Variants in TOR2A observed in about 807,000 individuals in gnomAD.
TOR2A encodes the protein torsin family 2 member A, also known as prosalusin.
TOR2A carries 24 observed loss-of-function variants against 28.6 expected under a neutral mutation model. That is an observed-to-expected ratio of 0.84 (90% CI 0.61 to 1.18). The LOEUF (loss-of-function observed/expected upper bound fraction) is 1.18, where lower values mean the gene tolerates loss of function less well. Ranked by LOEUF, TOR2A falls within the 50% of genes most tolerant of loss-of-function variation. The pLI is 0.00. For missense variants in TOR2A, 426 were observed against 448.1 expected (o/e 0.95, Z 0.45); for synonymous variants, 203 against 203.1 (o/e 1.00, Z 0.00).
Position 127,734,422 on chromosome 9 carries a change from G to C in TOR2A, c.294C>G (p.Gly98=). 6.2e-7 allele frequency: 1 copy of C among 1,612,582 alleles called. No homozygotes were observed. The highest frequency in any genetic ancestry group is 8.5e-7 in the Non-Finnish European group (1 of 1,179,794). ...VLSLHGWTGT[G]KSYVSSLLAH... The stretch of plus-strand genomic sequence containing the variant: ...CCAGCAGGGAGCTGACATAGGATTT[G>C]CCGGTGCCGGTCCAGCCGTGCAGGG... The change falls in exon 2 of 5, where the codon GGC becomes GGG. Residue 98 remains glycine (G), a synonymous_variant. Transcript: ENST00000373284.
chr9:127,732,191 T>A lies in TOR2A; in HGVS notation c.809A>T (p.His270Leu). ...CTGGGCCAGCTCGTTGAGCACGCAG[T>A]GCCGGACGTGGTGCCGCTGGAGCGG... Reference protein sequence around the residue: ...FLPLQRHHVRHCVLNELAQLG... With the variant: ...FLPLQRHHVRLCVLNELAQLG... Residue 270 changes from histidine to leucine, a missense_variant, in exon 5 of 5, where the codon CAC becomes CTC. By Grantham distance (99) the His-to-Leu change is moderately conservative. Coordinates refer to ENST00000373284, the MANE Select transcript of TOR2A (RefSeq NM_001085347.3). 1 of 1,612,886 alleles carries A rather than the reference T, an allele frequency of 6.2e-7. No homozygotes were observed. The highest frequency in any genetic ancestry group is 8.5e-7 in the Non-Finnish European group (1 of 1,179,660).
rs951685420 is a variant in TOR2A at position 127,731,932 on chromosome 9, C to G, written c.*102G>C. ...CATCTGTCCCGTGGCCTAGCCGACACTCCGTTCATCTCACTTGGTGCTCTG... is the reference window on the plus strand; with the variant it reads ...CATCTGTCCCGTGGCCTAGCCGACAGTCCGTTCATCTCACTTGGTGCTCTG... On this transcript the variant is annotated 3_prime_UTR_variant, in exon 5 of 5. Coordinates refer to ENST00000373284, the MANE Select transcript of TOR2A (RefSeq NM_001085347.3). 19 of 1,516,614 alleles carry G rather than the reference C, an allele frequency of 1.3e-5. No homozygotes were observed. Among genetic ancestry groups the G allele is most frequent in the Non-Finnish European group, 1.7e-5 (19 of 1,133,918 alleles). The allele number at this position is 1,516,614 out of a possible 1,614,324, so 93.9% of individuals were successfully genotyped here.
rs754433674 is a variant in TOR2A, at chr9:127,734,524, A to ATGCTGGCCGGCCAGG, written c.177_191dup (p.Gly62_Ala66dup). ...CCTTCACCACCAGCGCCTTGGCCAG[A>ATGCTGGCCGGCCAGG]TGCTGGCCGGCCAGGTGCTGAGCCA... is the stretch of plus-strand genomic sequence containing the variant. On this transcript the variant is annotated inframe_insertion, in exon 2 of 5. Transcript: ENST00000373284. 1.3e-6 allele frequency: 2 copies of ATGCTGGCCGGCCAGG among 1,538,868 alleles called. No individual in the cohort carries two copies. Among genetic ancestry groups the ATGCTGGCCGGCCAGG allele is most frequent in the African/African-American group, 2.8e-5 (2 of 72,434 alleles).
intron 3 of TOR2A, chr9:127,733,058 C>A: frequency 3.5e-6 from 5 of 1,434,818 alleles, no homozygotes; most frequent in Non-Finnish European, 4.6e-6. Flanking sequence ...ATTCTGAGAG[C>A]TGGGACTAAA....
At chr9:127,732,787 A>G in intron 3 of TOR2A, 96 bp from the exon 4 acceptor site, 3 of 1,496,398 alleles carry the variant, frequency 2.0e-6, no homozygotes, top group Non-Finnish European at 2.7e-6. Context: ...ACATAGGAAC[A>G]TGGCTCAGTG....
At position 127,733,577 on chromosome 9, in the gene TOR2A, G is replaced by T. The variant is rs1368331539; in HGVS notation, c.418-17C>A. ...CAGATCCTTCTGTAGGGGAGAGACA[G>T]GAGTTCCAGGGGAGCTGGAGAAACT... On this transcript the variant is annotated splice_polypyrimidine_tract_variant and intron_variant, in intron 2 of 4. Coordinates refer to ENST00000373284, the MANE Select transcript of TOR2A (RefSeq NM_001085347.3). 6.3e-7 allele frequency: 1 copy of T among 1,589,356 alleles called. No individual in the cohort carries two copies. The highest frequency in any genetic ancestry group is 1.1e-5 in the South Asian group (1 of 88,640).
At chr9:127,732,772 A>C in intron 3 of TOR2A, 81 bp from the exon 4 acceptor site, 1 of 1,508,638 alleles carries the variant, frequency 6.6e-7, no homozygotes, top group Non-Finnish European at 8.9e-7. Flanking sequence ...CCCCGCTGCC[A>C]CCTGACATAG....
At chr9:127,734,863 C>T in intron 1 of TOR2A, 4 of 554,022 alleles carry the variant, frequency 7.2e-6, no homozygotes, top group Non-Finnish European at 1.2e-5. Flanking sequence ...TCTCCTTTGA[C>T]GGCCAGGCCA....
rs41316956 is a variant in TOR2A at position 127,732,980 on chromosome 9, C to T, written c.594-289G>A. On this transcript the variant is annotated intron_variant, in intron 3 of 4. Coordinates refer to ENST00000373284, the MANE Select transcript of TOR2A (RefSeq NM_001085347.3). ...GGCATCGGGGCATCATTATTGGCCC[C>T]GCTGTTCAGAAGCAGAGACAGAGGC... 26,058 of 1,380,176 alleles carry T rather than the reference C, an allele frequency of 0.019. 298 individuals carry two copies. The highest frequency in any genetic ancestry group is 0.029 in the Middle Eastern group (108 of 3,758). The allele number at this position is 1,380,176 out of a possible 1,614,324, so 85.5% of individuals were successfully genotyped here.
Position 127,731,732 on chromosome 9 carries a change from A to G in TOR2A, c.*302T>C. ...AAGGGGCAAGGGTGGCAGACTGAGG[A>G]GGGAGCACCGCCACGAGCCACAGTC... On this transcript the variant is annotated 3_prime_UTR_variant, in exon 5 of 5. Coordinates refer to ENST00000373284, the MANE Select transcript of TOR2A (RefSeq NM_001085347.3). 2.1e-5 allele frequency: 14 copies of G among 654,894 alleles called. No individual in the cohort carries two copies. In the South Asian group the frequency reaches 3.4e-4, roughly 16 times the overall value. 40.6% of individuals were successfully genotyped at this position (654,894 alleles called of 1,614,324 possible). A position where few individuals can be genotyped will look rare whatever the true frequency, so the allele number is the denominator to read the frequency against.
At chr9:127,733,350 C>A in intron 3 of TOR2A, 35 bp downstream of exon 3, 1 of 1,613,568 alleles carries the variant, frequency 6.2e-7, no homozygotes, top group East Asian at 2.2e-5. Context: ...GAGAAGTGGC[C>A]CCCCCACTGT....
chr9:127,733,403 G>A lies in TOR2A; in HGVS notation c.575C>T (p.Ala192Val). ...GCCCCACCTGATGAAGATGAAGATG[G>A]CTTTGCGGTAATTGGTCCCGTATAC... The part of the protein sequence containing the change: ...WVVYGTNYRK[A>V]IFIFISNTGG... The change falls in exon 3 of 5, where the codon GCC becomes GTC. Residue 192 changes from alanine to valine, a missense_variant. By Grantham distance (64) the Ala-to-Val change is moderately conservative. Coordinates refer to ENST00000373284, the MANE Select transcript of TOR2A (RefSeq NM_001085347.3). 6.2e-7 allele frequency: 1 copy of A among 1,613,864 alleles called. No homozygotes were observed. Among genetic ancestry groups the A allele is most frequent in the Admixed American group, 1.7e-5 (1 of 60,010 alleles).
rs768577591 is a variant in TOR2A at position 127,732,568 on chromosome 9, C to T, written c.717G>A (p.Pro239=). Residue 239 remains proline (P), a synonymous_variant, in exon 4 of 5, where the codon CCG becomes CCA. Coordinates refer to ENST00000373284, the MANE Select transcript of TOR2A (RefSeq NM_001085347.3). ...GGGCTGCTGAGCCAGACTCACGGTG[C>T]GGGTTGTCCAGCACCGCGCGGGAGA... ...PVISRAVLDN[P]HHGFSNSGIM... is the part of the protein sequence containing the mutation. 12 of 1,584,784 alleles carry T rather than the reference C, an allele frequency of 7.6e-6. No individual in the cohort carries two copies. Among genetic ancestry groups the T allele is most frequent in the East Asian group, 2.3e-5 (1 of 44,108 alleles).
rs1219557335 is a variant in TOR2A, at chr9:127,734,544, G to C, written c.172C>G (p.Gln58Glu). The change falls in exon 2 of 5, where the codon CAG becomes GAG. Residue 58 changes from glutamine to glutamate, a missense_variant. Physicochemically the swap from Gln to Glu is conservative, Grantham distance 29 (BLOSUM62 2). Coordinates refer to ENST00000373284, the MANE Select transcript of TOR2A (RefSeq NM_001085347.3). ...GCCAGATGCTGGCCGGCCAGGTGCT[G>C]AGCCAGGTCACACTCCAGACCTAGG... ...DLPGLECDLAQHLAGQHLAKA... is the reference protein window; with the variant it reads ...DLPGLECDLAEHLAGQHLAKA... 2 of 1,528,354 alleles carry C rather than the reference G, an allele frequency of 1.3e-6. No individual in the cohort carries two copies. The highest frequency in any genetic ancestry group is 1.8e-6 in the Non-Finnish European group (2 of 1,137,856). The allele number at this position is 1,528,354 out of a possible 1,614,324, so 94.7% of individuals were successfully genotyped here.
Position 127,734,537 on chromosome 9 carries a change from A to G in TOR2A, c.179T>C (p.Leu60Pro), listed in dbSNP as rs1588478874. 6.5e-7 allele frequency: 1 copy of G among 1,532,254 alleles called. No homozygotes were observed. Among genetic ancestry groups the G allele is most frequent in the East Asian group, 2.3e-5 (1 of 43,058 alleles). 94.9% of individuals were successfully genotyped at this position (1,532,254 alleles called of 1,614,324 possible). A position where few individuals can be genotyped will look rare whatever the true frequency, so the allele number is the denominator to read the frequency against. ...CGCCTTGGCCAGATGCTGGCCGGCC[A>G]GGTGCTGAGCCAGGTCACACTCCAG... ...PGLECDLAQH[L>P]AGQHLAKALV... The change falls in exon 2 of 5, where the codon CTG (leucine) becomes CCG (proline). Residue 60 changes from leucine (L) to proline (P), a missense_variant. Coordinates refer to ENST00000373284, the MANE Select transcript of TOR2A (RefSeq NM_001085347.3).
At chr9:127,734,004 T>C (rs1426740564) in intron 2 of TOR2A, 3 of 431,658 alleles carry the variant, frequency 6.9e-6, no homozygotes, top group African/African-American at 4.1e-5. Flanking sequence ...CAGTGCAGAT[T>C]ATCTGACAAA....
At position 127,731,534 on chromosome 9, in the gene TOR2A, C is replaced by T; in HGVS notation, c.*500G>A. ...TCTTAGCAACAGTCCTCTGGTCCCA[C>T]AGCTGAGTTTATTATACTTGTTTTC... On this transcript the variant is annotated 3_prime_UTR_variant, in exon 5 of 5. Coordinates refer to ENST00000373284, the MANE Select transcript of TOR2A (RefSeq NM_001085347.3). The T allele has an allele frequency of 6.9e-7, 1 of 1,458,558 alleles. No homozygotes were observed. The highest frequency in any genetic ancestry group is 9.0e-7 in the Non-Finnish European group (1 of 1,107,610). The allele number at this position is 1,458,558 out of a possible 1,614,324, so 90.4% of individuals were successfully genotyped here.
intron 1 of TOR2A, chr9:127,734,905 G>A (rs945033593): frequency 1.8e-5 from 12 of 679,776 alleles, no homozygotes; most frequent in Non-Finnish European, 2.6e-5. Flanking sequence ...TCCACCAAGG[G>A]TTCTGCTGGC....
At chr9:127,734,735 C>CT in intron 1 of TOR2A, 171 bp from the exon 2 acceptor site, 1 of 778,570 alleles carries the variant, frequency 1.3e-6, no homozygotes, top group South Asian at 3.2e-5. Context: ...CACCTTCGGG[C>CT]CTGATTCAGC....
Sources: allele counts gnomAD v4.1 joint callset, GRCh38; gene constraint gnomAD v4.1.1; transcripts MANE v1.5; gene names NCBI Gene and HGNC (gene_info 2026-07-23, HGNC 2026-07-21).